Variants in PRKG2 observed in about 807,000 individuals in gnomAD.
PRKG2 encodes the protein cGMP-dependent protein kinase 2.
In PRKG2, 33 loss-of-function variants were observed where a neutral mutation model predicts 97.2. The observed-to-expected ratio is 0.34, with a 90% CI of 0.26 to 0.45. The LOEUF is 0.45. Among genes scored for constraint, PRKG2 ranks in the 20% least tolerant of loss-of-function variants. PRKG2 has a pLI of 1.00. For synonymous variants in PRKG2, 330 were observed against 321.8 expected (o/e 1.03, Z -0.27); for missense variants, 638 against 900.0 (o/e 0.71, Z 3.73).
At chr4:81,108,676 C>G (rs575397792) in intron 15 of PRKG2, among the ~76,000 whole-genome samples, 86 of 152,070 alleles carry the variant, frequency 5.7e-4, no homozygotes, top group African/African-American at 2.0e-3. Flanking sequence ...GAGTGGACTG[C>G]TTGAGCCCAG....
At chr4:81,197,270 G>GA (rs898873598) in intron 2 of PRKG2, among the ~76,000 whole-genome samples, 4 of 149,764 alleles carry the variant, frequency 2.7e-5, no homozygotes, top group East Asian at 3.9e-4. Context: ...TTTGAGAAAA[G>GA]AAAAAAAAAG....
At chr4:81,107,510 T>G (rs564602342) in intron 15 of PRKG2, among the ~76,000 whole-genome samples, 1 of 152,074 alleles carries the variant, frequency 6.6e-6, no homozygotes, top group East Asian at 1.9e-4. Context: ...GAGTATTTAT[T>G]TATTTATTTA....
intron 14 of PRKG2, among the ~76,000 whole-genome samples, chr4:81,126,479 T>G (rs1008111940): frequency 2.0e-5 from 3 of 152,186 alleles, no homozygotes; most frequent in African/African-American, 7.2e-5. Flanking sequence ...TTGAACTAAT[T>G]TACACTCCCA....
At position 81,104,432 on chromosome 4, in the gene PRKG2, C is replaced by A. The variant is rs747582690; in HGVS notation, c.2064G>T (p.Arg688Ser). 4.2e-6 allele frequency: 6 copies of A among 1,425,102 alleles called. No homozygotes were observed. In the South Asian group the frequency reaches 1.1e-4, roughly 27 times the overall value. 88.3% of individuals were successfully genotyped at this position (1,425,102 alleles called of 1,614,324 possible). A position where few individuals can be genotyped will look rare whatever the true frequency, so the allele number is the denominator to read the frequency against. Residue 688 changes from arginine (R) to serine (S), a missense_variant and splice_region_variant, in exon 17 of 19, where the codon AGG becomes AGT. By Grantham distance (110) the Arg-to-Ser change is moderately radical. This residue lies in a region of PRKG2 where 304 missense variants were observed against 460.5 expected (regional missense o/e 0.66). Coordinates refer to ENST00000264399, the MANE Select transcript of PRKG2 (RefSeq NM_006259.3). ...RPEDLIRRLCRQNPTERLGNL... is the reference protein window; with the variant it reads ...RPEDLIRRLCSQNPTERLGNL... The stretch of plus-strand genomic sequence containing the variant: ...TTCCCAGCCTTTCTGTTGGATTTTG[C>A]CTAAAACAATAATTTGTAAAAGGCA...
intron 2 of PRKG2, among the ~76,000 whole-genome samples, chr4:81,192,658 G>A (rs1348904032): frequency 2.0e-5 from 3 of 152,202 alleles, no homozygotes; most frequent in South Asian, 2.1e-4. Flanking sequence ...CTTAAATAAC[G>A]TGCCAGTAAC....
intron 17 of PRKG2, among the ~76,000 whole-genome samples, chr4:81,102,088 T>C (rs1178209968): frequency 3.3e-5 from 5 of 152,196 alleles, no homozygotes; most frequent in Non-Finnish European, 1.5e-5. Flanking sequence ...ATTAATCAAC[T>C]CTATACTCTG....
At chr4:81,160,687 A>T (rs1000939163) in intron 6 of PRKG2, among the ~76,000 whole-genome samples, 1 of 152,166 alleles carries the variant, frequency 6.6e-6, no homozygotes, top group African/African-American at 2.4e-5. Context: ...GGAAATTTTT[A>T]TGTGTAAATT....
In PRKG2 at chr4:81,148,971, A is replaced by C. The variant is rs1409925355; in HGVS notation, c.1086-19T>G. On this transcript the variant is annotated intron_variant, in intron 8 of 18. Transcript: ENST00000264399. ...ATCATCACTGCAAACAAAAATAGGA[A>C]AGTCAATTTTCACTATAATTAGAAA... 2 of 1,609,290 alleles carry C rather than the reference A, an allele frequency of 1.2e-6. No homozygotes were observed. Among genetic ancestry groups the C allele is most frequent in the Non-Finnish European group, 8.5e-7 (1 of 1,175,766 alleles).
chr4:81,110,148 T>A (rs1294430703), intron 15 of PRKG2, among the ~76,000 whole-genome samples: 1 of 152,172 alleles, frequency 6.6e-6, no homozygotes, highest in Non-Finnish European at 1.5e-5. Context: ...CTTCTCTTAT[T>A]ATTATGCTGA....
In PRKG2 at chr4:81,141,476, T is replaced by C. The variant is rs891027509; in HGVS notation, c.1408-807A>G. On this transcript the variant is annotated intron_variant, in intron 11 of 18. Transcript: ENST00000264399. ...TGGCTACCCTATTAAATAGCACAGA[T>C]ATAAGACATTTCCCTCAGCACAGTT... Among the ~76,000 whole-genome samples the C allele has an allele frequency of 5.1e-4, 78 of 152,182 alleles. 3 individuals are homozygous for C.
rs1171371884 is a variant in PRKG2 at position 81,153,711 on chromosome 4, T to G, written c.923A>C (p.Asp308Ala). ...CTCTCTAATGATGTAATCTCCTTTG[T>G]CATAGTATTCCTGTTGGGATGAGAG... Reference protein sequence around the residue: ...IIDCLEVEYYDKGDYIIREGE... With the variant: ...IIDCLEVEYYAKGDYIIREGE... Residue 308 changes from aspartate to alanine, a missense_variant, in exon 7 of 19, where the codon GAC (aspartate) becomes GCC (alanine). Coordinates refer to ENST00000264399, the MANE Select transcript of PRKG2 (RefSeq NM_006259.3). The G allele has an allele frequency of 6.2e-7, 1 of 1,605,070 alleles. No individual in the cohort carries two copies. The highest frequency in any genetic ancestry group is 1.3e-5 in the African/African-American group (1 of 74,722).
chr4:81,097,093 G>A (rs1374342583), intron 17 of PRKG2, among the ~76,000 whole-genome samples: 1 of 152,002 alleles, frequency 6.6e-6, no homozygotes, highest in East Asian at 1.9e-4. Context: ...ATTCCTTGAG[G>A]TTTAGGCTGC....
chr4:81,095,483 G>A (rs982037318), intron 17 of PRKG2, among the ~76,000 whole-genome samples: 3 of 152,082 alleles, frequency 2.0e-5, no homozygotes, highest in Admixed American at 6.6e-5. Context: ...TCTCTACCCC[G>A]AGGTGCCTCA....
intron 6 of PRKG2, among the ~76,000 whole-genome samples, chr4:81,155,413 G>C (rs895360619): frequency 6.6e-6 from 1 of 152,108 alleles, no homozygotes; most frequent in Admixed American, 6.5e-5. Context: ...AAGCCTCCAA[G>C]AAATATGGGA....
rs1741778814 is a variant in PRKG2 at position 81,093,358 on chromosome 4, C to CGAA, written c.2127-907_2127-906insTTC. The stretch of plus-strand genomic sequence containing the variant: ...AATCTAAAATTGAAACTCTCCCCCA[C>CGAA]CAACACACACACACACACACACACA... On this transcript the variant is annotated intron_variant, in intron 17 of 18. Transcript: ENST00000264399. Among the ~76,000 whole-genome samples, 4 of 137,022 alleles carry CGAA rather than the reference C, an allele frequency of 2.9e-5. No homozygotes were observed. In the South Asian group the frequency reaches 9.5e-4, roughly 33 times the overall value. The allele number at this position is 137,022 out of a possible 152,430, so 89.9% of individuals were successfully genotyped here. A position where few individuals can be genotyped will look rare whatever the true frequency, so the allele number is the denominator to read the frequency against.
At chr4:81,180,596 C>T (rs1262383640) in intron 2 of PRKG2, among the ~76,000 whole-genome samples, 3 of 152,032 alleles carry the variant, frequency 2.0e-5, no homozygotes, top group African/African-American at 7.2e-5. Context: ...TATGTATCCA[C>T]TTAATATGAC....
chr4:81,193,197 T>C (rs574446589), intron 2 of PRKG2: 1 of 152,298 alleles, frequency 6.6e-6, no homozygotes, highest in East Asian at 1.9e-4. Context: ...TTGTATTTCA[T>C]TTCATAGCTT....
chr4:81,143,162 A>G (rs1747467907), intron 10 of PRKG2, among the ~76,000 whole-genome samples: 1 of 152,220 alleles, frequency 6.6e-6, no homozygotes, highest in Non-Finnish European at 1.5e-5. Context: ...ATATGCATAT[A>G]CCAGGAAATA....
At chr4:81,209,986 T>C (rs554430199) in intron 1 of PRKG2, among the ~76,000 whole-genome samples, 1 of 152,188 alleles carries the variant, frequency 6.6e-6, no homozygotes, top group African/African-American at 2.4e-5. Flanking sequence ...GGAGAAAGGA[T>C]AGTCTTTTTA....
Sources: allele counts gnomAD v4.1 joint callset (sites outside exome capture counted in the v4.1 genomes callset), GRCh38; gene constraint gnomAD v4.1.1; regional missense constraint gnomAD v4.1.1; transcripts MANE v1.5; gene names NCBI Gene and HGNC (gene_info 2026-07-23, HGNC 2026-07-21).